XKR4: variants seen among roughly 807,000 people sequenced by gnomAD.
XKR4 encodes XK-related protein 4.
In XKR4, 12 loss-of-function variants were observed where a neutral mutation model predicts 53.9. The observed-to-expected ratio is 0.22, with a 90% CI of 0.14 to 0.36. XKR4 has a LOEUF of 0.36. Among genes scored for constraint, XKR4 ranks in the 10% least tolerant of loss-of-function variants. The pLI is 1.00. For missense variants in XKR4, 799 were observed against 859.5 expected (o/e 0.93, Z 0.88); for synonymous variants, 354 against 362.4 (o/e 0.98, Z 0.26).
intron 1 of XKR4, among the ~76,000 whole-genome samples, chr8:55,172,136 C>G (rs141561990): frequency 2.0e-5 from 3 of 151,816 alleles, no homozygotes; most frequent in Non-Finnish European, 4.4e-5. Context: ...ATCACTTGAA[C>G]CCAGGTTGTC....
chr8:55,290,244 C>G (rs1444037888), intron 1 of XKR4, among the ~76,000 whole-genome samples: 1 of 151,654 alleles, frequency 6.6e-6, no homozygotes, highest in Non-Finnish European at 1.5e-5. Flanking sequence ...ATTCTCTTGC[C>G]TCAGCCTCCG....
chr8:55,249,466 AC>A (rs1368228485), intron 1 of XKR4, among the ~76,000 whole-genome samples: 1 of 151,986 alleles, frequency 6.6e-6, no homozygotes, highest in African/African-American at 2.4e-5. Flanking sequence ...CTCATGATCG[AC>A]CCTGTCCACC....
Position 55,474,243 on chromosome 8 carries a change from A to G in XKR4, c.1007-49038A>G, listed in dbSNP as rs568892723. Among the ~76,000 whole-genome samples, 5 of 152,218 alleles carry G rather than the reference A, an allele frequency of 3.3e-5. No individual in the cohort carries two copies. In the East Asian group the frequency reaches 9.6e-4, roughly 29 times the overall value. ...ACTTATCAACAGAAGCACACTTACT[A>G]ACTTACTGATCACTGATGGACAGTT... On this transcript the variant is annotated intron_variant, in intron 2 of 2. Transcript: ENST00000327381.
intron 2 of XKR4, among the ~76,000 whole-genome samples, chr8:55,474,747 C>T (rs868318406): frequency 6.6e-6 from 1 of 152,136 alleles, no homozygotes; most frequent in Non-Finnish European, 1.5e-5. Flanking sequence ...CAAAATGGTC[C>T]TTTCCCTCAC....
chr8:55,194,396 C>G (rs996847173), intron 1 of XKR4, among the ~76,000 whole-genome samples: 1 of 152,174 alleles, frequency 6.6e-6, no homozygotes, highest in Non-Finnish European at 1.5e-5. Context: ...AAGTAAGGCT[C>G]CCTTCTCTCC....
intron 2 of XKR4, among the ~76,000 whole-genome samples, chr8:55,444,487 A>T (rs891957909): frequency 2.0e-5 from 3 of 152,254 alleles, no homozygotes; most frequent in African/African-American, 7.2e-5. Context: ...AAGGATTAGT[A>T]TCCAGAATAT....
intron 1 of XKR4, among the ~76,000 whole-genome samples, chr8:55,131,575 C>T (rs1411051077): frequency 6.6e-6 from 1 of 152,320 alleles, no homozygotes. Context: ...CTCTTCAGCA[C>T]ATTAGATGCC....
chr8:55,326,142 T>C (rs1803288635), intron 1 of XKR4, among the ~76,000 whole-genome samples: 1 of 152,178 alleles, frequency 6.6e-6, no homozygotes, highest in South Asian at 2.1e-4. Flanking sequence ...TTTTGGAAGA[T>C]AAATACAGAG....
At chr8:55,491,844 C>T (rs1189609722) in intron 2 of XKR4, among the ~76,000 whole-genome samples, 2 of 152,126 alleles carry the variant, frequency 1.3e-5, no homozygotes, top group Non-Finnish European at 2.9e-5. Flanking sequence ...CGTATGTAAG[C>T]TCTGAGAATT....
intron 1 of XKR4, among the ~76,000 whole-genome samples, chr8:55,223,897 T>A (rs1337373628): frequency 6.6e-6 from 1 of 152,046 alleles, no homozygotes; most frequent in East Asian, 1.9e-4. Flanking sequence ...TTTCTGCTAG[T>A]GAGCAGAAAG....
chr8:55,397,595 T>C (rs1804540254), intron 2 of XKR4, among the ~76,000 whole-genome samples: 1 of 151,460 alleles, frequency 6.6e-6, no homozygotes, highest in Admixed American at 6.6e-5. Context: ...GTTTTTTTTT[T>C]TTCTAGGAAC....
chr8:55,351,030 C>T (rs1461393804), intron 1 of XKR4, among the ~76,000 whole-genome samples: 1 of 152,124 alleles, frequency 6.6e-6, no homozygotes, highest in African/African-American at 2.4e-5. Context: ...CATGAGCCAC[C>T]ATGCCCAGCC....
chr8:55,405,884 T>C lies in XKR4; in HGVS notation c.1006+48007T>C, dbSNP rs75985065. On this transcript the variant is annotated intron_variant, in intron 2 of 2. Transcript: ENST00000327381. ...AAATAGGCCTCCAAGGCATCTCTGCTGACTTCCTTCTCTGTAAGTGAGCCC... is the reference window on the plus strand; with the variant it reads ...AAATAGGCCTCCAAGGCATCTCTGCCGACTTCCTTCTCTGTAAGTGAGCCC... Among the ~76,000 whole-genome samples, 256 of 152,374 alleles carry C rather than the reference T, an allele frequency of 1.7e-3. 1 individual carries two copies. Among genetic ancestry groups the C allele is most frequent in the African/African-American group, 6.0e-3 (251 of 41,590 alleles).
At chr8:55,114,426 T>C (rs1006701881) in intron 1 of XKR4, among the ~76,000 whole-genome samples, 2 of 152,140 alleles carry the variant, frequency 1.3e-5, no homozygotes, top group Non-Finnish European at 2.9e-5. Context: ...TGTGCATGTT[T>C]GACTGAGAAT....
chr8:55,479,583 A>G (rs186307919), intron 2 of XKR4, among the ~76,000 whole-genome samples: 1,668 of 152,270 alleles, frequency 0.011, 16 homozygotes, highest in Non-Finnish European at 0.017. Flanking sequence ...GACACAAAAA[A>G]CCCTTCAAAA....
intron 1 of XKR4, among the ~76,000 whole-genome samples, chr8:55,254,785 C>T (rs1818411100): frequency 6.6e-6 from 1 of 152,208 alleles, no homozygotes; most frequent in Non-Finnish European, 1.5e-5. Flanking sequence ...CAGGCTCAAC[C>T]TGATTTCCCA....
intron 2 of XKR4, among the ~76,000 whole-genome samples, chr8:55,412,003 T>C (rs1804784863): frequency 6.6e-6 from 1 of 152,214 alleles, no homozygotes; most frequent in Non-Finnish European, 1.5e-5. Flanking sequence ...AAGGAAACAT[T>C]ATGCCACTTT....
intron 2 of XKR4, among the ~76,000 whole-genome samples, chr8:55,375,838 T>G (rs1361024560): frequency 6.6e-6 from 1 of 152,070 alleles, no homozygotes; most frequent in Admixed American, 6.6e-5. Flanking sequence ...CACCTAGGTA[T>G]TAAGCCCCGC....
At chr8:55,479,768 C>A (rs1348366004) in intron 2 of XKR4, among the ~76,000 whole-genome samples, 1 of 152,150 alleles carries the variant, frequency 6.6e-6, no homozygotes, top group Non-Finnish European at 1.5e-5. Context: ...ATACTATAAA[C>A]ACCTCTACAC....
Sources: gnomAD v4.1 joint callset for allele counts (sites outside exome capture counted in the v4.1 genomes callset) on GRCh38, gnomAD v4.1.1 for gene constraint, MANE v1.5 for transcripts, NCBI Gene and HGNC (gene_info 2026-07-23, HGNC 2026-07-21) for gene names.